The following DAB1 variants were observed in gnomAD, a reference collection of about 807,000 sequenced individuals.
DAB1 encodes the protein DAB adaptor protein 1, also known as disabled homolog 1.
Under a neutral mutation model 64.6 loss-of-function variants are expected in DAB1, and 15 were observed. The ratio of observed to expected loss-of-function variants is 0.23; its 90% CI spans 0.16 to 0.36. The LOEUF is 0.36. DAB1 is among the 10% of genes least tolerant of loss of function. DAB1 has a pLI of 1.00. For missense variants in DAB1, 596 were observed against 706.7 expected (o/e 0.84, Z 1.78); for synonymous variants, 235 against 251.9 (o/e 0.93, Z 0.64).
At chr1:57,179,745 AC>A (rs1474618890) in intron 2 of DAB1, among the ~76,000 whole-genome samples, 1 of 152,184 alleles carries the variant, frequency 6.6e-6, no homozygotes, top group Non-Finnish European at 1.5e-5. Flanking sequence ...CATACTAGAA[AC>A]ACGTTTGTGC....
At chr1:58,225,347 C>A (rs2100335432) in intron 4 of DAB1, among the ~76,000 whole-genome samples, 1 of 152,222 alleles carries the variant, frequency 6.6e-6, no homozygotes, top group African/African-American at 2.4e-5. Flanking sequence ...AATAGGAACA[C>A]TTTTACACTG....
chr1:57,923,037 G>A (rs1043225126), intron 5 of DAB1, among the ~76,000 whole-genome samples: 2 of 150,950 alleles, frequency 1.3e-5, no homozygotes, highest in African/African-American at 2.4e-5. Flanking sequence ...ACAGAAAGGG[G>A]GAAGACAATT....
intron 1 of DAB1, among the ~76,000 whole-genome samples, chr1:57,363,111 C>T (rs1679687134): frequency 1.3e-5 from 2 of 152,166 alleles, no homozygotes; most frequent in South Asian, 4.1e-4. Flanking sequence ...CCATCAAAGC[C>T]TTGGAAAGTT....
At chr1:57,253,616 A>G (rs892155356) in intron 2 of DAB1, among the ~76,000 whole-genome samples, 1 of 152,196 alleles carries the variant, frequency 6.6e-6, no homozygotes, top group South Asian at 2.1e-4. Context: ...CCACAAAATA[A>G]AACAACTAAA....
At chr1:58,427,185 T>C (rs1169576945) in intron 3 of DAB1, among the ~76,000 whole-genome samples, 1 of 151,234 alleles carries the variant, frequency 6.6e-6, no homozygotes, top group Non-Finnish European at 1.5e-5. Flanking sequence ...TAAGGTGGTG[T>C]GGGGTAGAGA....
intron 6 of DAB1, among the ~76,000 whole-genome samples, chr1:57,794,983 T>C (rs190052575): frequency 1.1e-4 from 17 of 152,292 alleles, no homozygotes; most frequent in Admixed American, 9.2e-4. Context: ...TGCTGGAGCA[T>C]GTAGCACCAG....
At chr1:58,231,008 T>C (rs1267047189) in intron 4 of DAB1, among the ~76,000 whole-genome samples, 1 of 152,236 alleles carries the variant, frequency 6.6e-6, no homozygotes, top group Non-Finnish European at 1.5e-5. Flanking sequence ...ACTGTGGCTA[T>C]GCATCTTCAC....
intron 2 of DAB1, among the ~76,000 whole-genome samples, chr1:57,246,231 A>C (rs769996536): frequency 6.6e-5 from 10 of 152,226 alleles, no homozygotes; most frequent in Non-Finnish European, 1.3e-4. Context: ...CTGAGGGAGA[A>C]AAATGGTTTC....
At position 57,862,597 on chromosome 1, in the gene DAB1, A is replaced by G. The variant is rs1333442634; in HGVS notation, n.87+21402T>C. The G allele has an allele frequency of 5.3e-5, 8 of 152,206 alleles. No individual in the cohort carries two copies. The East Asian group carries it at 1.2e-3, about 22-fold the overall frequency. 9.4% of individuals were successfully genotyped at this position (152,206 alleles called of 1,614,324 possible). ...TCTGGATTATACAAAATATTTTTAG[A>G]TATTCTTACAACTCTAAAATAAGAT... On this transcript the variant is annotated intron_variant and non_coding_transcript_variant, in intron 1 of 1. Transcript: ENST00000477280.
At chr1:58,369,678 A>G (rs1292764214) in intron 3 of DAB1, among the ~76,000 whole-genome samples, 1 of 152,194 alleles carries the variant, frequency 6.6e-6, no homozygotes, top group Admixed American at 6.5e-5. Context: ...TAGTATTTCT[A>G]TTTTACAGAC....
At chr1:57,857,849 C>T (rs1329176858) in intron 1 of DAB1, among the ~76,000 whole-genome samples, 1 of 67,402 alleles carries the variant, frequency 1.5e-5, no homozygotes, top group Admixed American at 1.8e-4. Context: ...ATAGAATGTT[C>T]ATACAAAAAA....
Position 57,707,810 on chromosome 1 carries a change from C to T in DAB1, n.552-58145G>A, listed in dbSNP as rs987836928. ...GGGTTGTGACCTAAGCCTGAAGTCA[C>T]GTCAGCTGTTTTAACATTAGGGGGC... On this transcript the variant is annotated intron_variant and non_coding_transcript_variant, in intron 6 of 20. Coordinates refer to the DAB1 transcript ENST00000485760. 9.9e-5 allele frequency among the ~76,000 whole-genome samples: 15 copies of T among 152,262 alleles called. No individual in the cohort carries two copies. The South Asian group carries it at 1.7e-3, about 17-fold the overall frequency.
At chr1:58,439,582 C>T (rs1021283489) in intron 3 of DAB1, among the ~76,000 whole-genome samples, 1 of 152,156 alleles carries the variant, frequency 6.6e-6, no homozygotes, top group Non-Finnish European at 1.5e-5. Flanking sequence ...TGTGCGAGAC[C>T]ACTGGCCCCA....
intron 1 of DAB1, among the ~76,000 whole-genome samples, chr1:57,312,690 C>G (rs945048189): frequency 6.6e-6 from 1 of 151,962 alleles, no homozygotes; most frequent in Non-Finnish European, 1.5e-5. Flanking sequence ...AGTAAAGTGT[C>G]TTGTGCCTTG....
intron 5 of DAB1, among the ~76,000 whole-genome samples, chr1:58,117,294 T>C (rs1024536685): frequency 2.0e-5 from 3 of 152,236 alleles, no homozygotes; most frequent in Non-Finnish European, 4.4e-5. Flanking sequence ...TGTCTTACTC[T>C]AGTTTGCATT....
At chr1:58,023,019 A>T (rs1646836432) in intron 5 of DAB1, among the ~76,000 whole-genome samples, 1 of 152,182 alleles carries the variant, frequency 6.6e-6, no homozygotes, top group South Asian at 2.1e-4. Flanking sequence ...CACATACTCA[A>T]CATTTCAGTC....
intron 2 of DAB1, among the ~76,000 whole-genome samples, chr1:57,233,607 A>G (rs945310843): frequency 6.6e-6 from 1 of 151,380 alleles, no homozygotes; most frequent in Non-Finnish European, 1.5e-5. Context: ...AAAAATACAA[A>G]TATTAGCTAG....
intron 5 of DAB1, among the ~76,000 whole-genome samples, chr1:58,086,062 C>T (rs1049753994): frequency 8.9e-5 from 13 of 145,458 alleles, no homozygotes; most frequent in Non-Finnish European, 1.6e-4. Flanking sequence ...CTCCCAGGTT[C>T]ACGCCATTCT....
intron 6 of DAB1, among the ~76,000 whole-genome samples, chr1:57,672,443 C>G (rs1310668615): frequency 6.6e-6 from 1 of 151,842 alleles, no homozygotes; most frequent in Admixed American, 6.6e-5. Flanking sequence ...TTTTTTAACC[C>G]AAGACTACAC....
Sources: gnomAD v4.1 joint callset for allele counts (sites outside exome capture counted in the v4.1 genomes callset) on GRCh38, gnomAD v4.1.1 for gene constraint, MANE v1.5 for transcripts, NCBI Gene and HGNC (gene_info 2026-07-23, HGNC 2026-07-21) for gene names.